SPAST: variants seen among roughly 807,000 people sequenced by gnomAD.
SPAST encodes spastin, also known as spastic paraplegia 4 (autosomal dominant; spastin).
SPAST carries 30 observed loss-of-function variants against 76.6 expected under a neutral mutation model. That is an observed-to-expected ratio of 0.39 (90% CI 0.29 to 0.53). The LOEUF (loss-of-function observed/expected upper bound fraction) is 0.53. Among genes scored for constraint, SPAST ranks in the 20% least tolerant of loss-of-function variants. The pLI is 0.68. For synonymous variants in SPAST, 305 were observed against 281.0 expected (o/e 1.09, Z -0.86); for missense variants, 717 against 770.5 (o/e 0.93, Z 0.82).
chr2:32,147,721 T>G (rs1423978420), intron 16 of SPAST, among the ~76,000 whole-genome samples: 2 of 151,892 alleles, frequency 1.3e-5, no homozygotes, highest in Non-Finnish European at 2.9e-5. Flanking sequence ...AAGCTCTGCC[T>G]CCCGGGTTCA....
At position 32,143,399 on chromosome 2, in the gene SPAST, C is replaced by G. The variant is rs1553319314; in HGVS notation, c.1600C>G (p.Leu534Val). ...KQGSPLTQKE[L>V]AQLARMTDGY... ...AGGAAGTCCATTGACCCAAAAAGAA[C>G]TAGCACAACTTGCTAGGTGAGTAAT... is the stretch of plus-strand genomic sequence containing the variant. The change falls in exon 14 of 17, where the codon CTA becomes GTA. Residue 534 changes from leucine (L) to valine (V), a missense_variant. By Grantham distance (32) the Leu-to-Val change is conservative (BLOSUM62 1). Transcript: ENST00000315285. 2 of 1,605,676 alleles carry G rather than the reference C, an allele frequency of 1.2e-6. No homozygotes were observed. The highest frequency in any genetic ancestry group is 1.7e-6 in the Non-Finnish European group (2 of 1,173,044).
Position 32,114,822 on chromosome 2 carries a change from T to G in SPAST, c.867T>G (p.His289Gln). 1 of 1,613,394 alleles carries G rather than the reference T, an allele frequency of 6.2e-7. No individual in the cohort carries two copies. The change falls in exon 5 of 17, where the codon CAT (histidine) becomes CAG (glutamine). Residue 289 changes from histidine (H) to glutamine (Q), a missense_variant. This residue lies in a region of SPAST where 543 missense variants were observed against 445.2 expected (regional missense o/e 1.22). Transcript: ENST00000315285. ...GATCTGGTCCTGCTCCTACCACTCA[T>G]AAGGTATTCTGGGACAGTAACTTTA... The part of the protein sequence containing the change: ...KQGSGPAPTT[H>Q]KGTPKTNRTN...
chr2:32,066,433 G>T (rs1676513995), intron 1 of SPAST, among the ~76,000 whole-genome samples: 1 of 152,114 alleles, frequency 6.6e-6, no homozygotes, highest in Non-Finnish European at 1.5e-5. Flanking sequence ...ACTTTGGGAG[G>T]CCGGGGCGGG....
At position 32,064,025 on chromosome 2, in the gene SPAST, G is replaced by A. The variant is rs757145918; in HGVS notation, c.194G>A (p.Arg65His). Residue 65 changes from arginine (R) to histidine (H), a missense_variant, in exon 1 of 17, where the codon CGT (arginine) becomes CAT (histidine). Coordinates refer to ENST00000315285, the MANE Select transcript of SPAST (RefSeq NM_014946.4). The stretch of plus-strand genomic sequence containing the variant: ...CTGTTTGTAGGCTTCGCGCTGCTGC[G>A]TTTGGTCGCCTTCCACCTGGGGCTC... ...YPLFVGFALL[R>H]LVAFHLGLLF... 1.9e-6 allele frequency: 3 copies of A among 1,613,426 alleles called. No individual in the cohort carries two copies. Among genetic ancestry groups the A allele is most frequent in the South Asian group, 1.1e-5 (1 of 91,060 alleles).
chr2:32,112,748 A>G (rs569469024), intron 4 of SPAST, among the ~76,000 whole-genome samples: 2 of 152,310 alleles, frequency 1.3e-5, no homozygotes, highest in South Asian at 4.1e-4. Context: ...CTAAATAAAT[A>G]AGCTGATTTC....
chr2:32,150,815 G>A (rs1680059087), intron 16 of SPAST, among the ~76,000 whole-genome samples: 1 of 151,850 alleles, frequency 6.6e-6, no homozygotes, highest in Non-Finnish European at 1.5e-5. Flanking sequence ...AAATTTAGAT[G>A]GTAAAACTAA....
intron 4 of SPAST, among the ~76,000 whole-genome samples, chr2:32,106,109 C>G (rs139864286): frequency 6.6e-6 from 1 of 152,154 alleles, no homozygotes; most frequent in Non-Finnish European, 1.5e-5. Context: ...TGGACTCCAC[C>G]CAGTTCAAGC....
intron 3 of SPAST, among the ~76,000 whole-genome samples, chr2:32,096,305 C>A (rs1677912209): frequency 6.6e-6 from 1 of 152,174 alleles, no homozygotes; most frequent in South Asian, 2.1e-4. Context: ...CATGGGGGCA[C>A]CCACCTGTAA....
intron 9 of SPAST, 65 bp downstream of exon 9, chr2:32,128,544 G>A (rs1248581295): frequency 3.9e-6 from 4 of 1,018,194 alleles, no homozygotes; most frequent in Non-Finnish European, 6.2e-6. Context: ...TGTGTTAACT[G>A]TAAATGGTAA....
chr2:32,124,286 G>A (rs531466345), intron 7 of SPAST, among the ~76,000 whole-genome samples: 9 of 152,224 alleles, frequency 5.9e-5, no homozygotes, highest in East Asian at 1.9e-4. Flanking sequence ...ACATCATGTC[G>A]TTAGGGAAAT....
chr2:32,104,480 T>G (rs193142450), intron 4 of SPAST, among the ~76,000 whole-genome samples: 3 of 152,334 alleles, frequency 2.0e-5, no homozygotes, highest in African/African-American at 7.2e-5. Flanking sequence ...ATGTTTGAAT[T>G]TGATCCTGTC....
Position 32,114,622 on chromosome 2 carries a change from A to G in SPAST, c.683-16A>G. 1 of 1,609,506 alleles carries G rather than the reference A, an allele frequency of 6.2e-7. No homozygotes were observed. Among genetic ancestry groups the G allele is most frequent in the South Asian group, 1.1e-5 (1 of 90,982 alleles). On this transcript the variant is annotated splice_polypyrimidine_tract_variant and intron_variant, in intron 4 of 16. Transcript: ENST00000315285. ...ACAATTTTCTAATCACAATGGTTTT[A>G]CTTTTTCCTTGTCAGAAAGTGGAGC...
chr2:32,131,944 C>G (rs1478823786), intron 9 of SPAST, among the ~76,000 whole-genome samples: 1 of 151,952 alleles, frequency 6.6e-6, no homozygotes, highest in Non-Finnish European at 1.5e-5. Context: ...TAGGCGTAAG[C>G]CACCACACCC....
intron 1 of SPAST, among the ~76,000 whole-genome samples, chr2:32,085,566 T>A (rs216537): frequency 0.031 from 4,743 of 152,208 alleles, 123 homozygotes; most frequent in African/African-American, 0.076. Context: ...TTTGAGCACC[T>A]ACTGTCAACC....
chr2:32,147,198 C>T lies in SPAST; in HGVS notation c.1688-20C>T. On this transcript the variant is annotated intron_variant, in intron 15 of 16. Transcript: ENST00000315285. Reference sequence around the variant, plus strand: ...GCAAAATGTATGTATTTTTAAGTGCCTGACTTTTATGTTTTACAGAACTAA... The same window carrying T: ...GCAAAATGTATGTATTTTTAAGTGCTTGACTTTTATGTTTTACAGAACTAA... The T allele has an allele frequency of 1.3e-6, 2 of 1,598,316 alleles. No homozygotes were observed. Among genetic ancestry groups the T allele is most frequent in the Non-Finnish European group, 1.7e-6 (2 of 1,166,040 alleles).
intron 1 of SPAST, among the ~76,000 whole-genome samples, chr2:32,074,179 G>A (rs769454005): frequency 7.2e-5 from 11 of 152,140 alleles, no homozygotes; most frequent in Non-Finnish European, 1.5e-4. Context: ...CAGGAGCTGC[G>A]AATAATTCTA....
chr2:32,071,961 CCCA>C (rs1676767949), intron 1 of SPAST, among the ~76,000 whole-genome samples: 1 of 152,048 alleles, frequency 6.6e-6, no homozygotes, highest in African/African-American at 2.4e-5. Flanking sequence ...GTAAATTTTC[CCCA>C]CAAGAGAAAG....
intron 4 of SPAST, among the ~76,000 whole-genome samples, chr2:32,107,996 A>G (rs1374696297): frequency 6.6e-6 from 1 of 152,052 alleles, no homozygotes; most frequent in Non-Finnish European, 1.5e-5. Context: ...CCAATTTTCT[A>G]CTCAAAATTA....
intron 1 of SPAST, among the ~76,000 whole-genome samples, chr2:32,081,801 A>T (rs1271388282): frequency 6.7e-6 from 1 of 149,264 alleles, no homozygotes; most frequent in Non-Finnish European, 1.5e-5. Context: ...AAAAAAAAAA[A>T]AAAGGAAAGA....
Sources: gnomAD v4.1 joint callset for allele counts (sites outside exome capture counted in the v4.1 genomes callset) on GRCh38, gnomAD v4.1.1 for gene constraint, gnomAD v4.1.1 regional missense constraint, MANE v1.5 for transcripts, NCBI Gene and HGNC (gene_info 2026-07-23, HGNC 2026-07-21) for gene names.